Variants in HIVEP1 observed in about 807,000 individuals in gnomAD.
HIVEP1 encodes the protein zinc finger protein 40.
Under a neutral mutation model 180.0 loss-of-function variants are expected in HIVEP1, and 36 were observed. That is an observed-to-expected ratio of 0.20 (90% CI 0.15 to 0.26). The LOEUF (loss-of-function observed/expected upper bound fraction) is 0.26, where lower values mean the gene tolerates loss of function less well. Among genes scored for constraint, HIVEP1 ranks in the 10% least tolerant of loss-of-function variants. HIVEP1 has a pLI of 1.00. For missense variants in HIVEP1, 3,143 were observed against 3,268.7 expected, an observed-to-expected ratio of 0.96 and a Z score of 0.94; for synonymous variants, 1,239 against 1,239.0, an observed-to-expected ratio of 1.00 and a Z score of 0.00.
At position 12,122,944 on chromosome 6, in the gene HIVEP1, C is replaced by T; in HGVS notation, c.3149C>T (p.Thr1050Ile). The stretch of plus-strand genomic sequence containing the variant: ...GAACTTCAGCAAAATGAAAGTGGAA[C>T]ATCTCCAAAAAGTTCTGAAGGCCTT... Reference protein sequence around the residue: ...DEELQQNESGTSPKSSEGLQF... With the variant: ...DEELQQNESGISPKSSEGLQF... Residue 1050 changes from threonine to isoleucine, a missense_variant, in exon 4 of 9, where the codon ACA becomes ATA. This residue lies in a region of HIVEP1 where 1,357 missense variants were observed against 1,260.5 expected (regional missense o/e 1.08). Transcript: ENST00000379388. 1 of 1,613,736 alleles carries T rather than the reference C, an allele frequency of 6.2e-7. No homozygotes were observed. Among genetic ancestry groups the T allele is most frequent in the Non-Finnish European group, 8.5e-7 (1 of 1,179,900 alleles).
At position 12,130,411 on chromosome 6, in the gene HIVEP1, G is replaced by A. The variant is rs180764034; in HGVS notation, c.6210-356G>A. ...GCAGTAGTGCAGCGCAGTGGTGCGC[G>A]CCTGTAGTCCCAGCTGTTCGGGAGG... On this transcript the variant is annotated intron_variant, in intron 5 of 8. Transcript: ENST00000379388. Among the ~76,000 whole-genome samples, 181 of 152,282 alleles carry A rather than the reference G, an allele frequency of 1.2e-3. 1 individual carries two copies. The highest frequency in any genetic ancestry group is 1.0e-2 in the Admixed American group (153 of 15,304).
At chr6:12,172,564 A>AAACT in the HIVEP1 span, among the ~76,000 whole-genome samples, 2 of 152,226 alleles carry the variant, frequency 1.3e-5, no homozygotes, top group Non-Finnish European at 2.9e-5. Context: ...TTTCTTACTT[A>AAACT]AACTAACAAG....
chr6:12,021,235 T>C (rs1269339868), intron 2 of HIVEP1, among the ~76,000 whole-genome samples: 2 of 152,200 alleles, frequency 1.3e-5, no homozygotes, highest in Non-Finnish European at 1.5e-5. Flanking sequence ...GATCAGATCA[T>C]GGCCTTGATT....
In HIVEP1 at chr6:12,163,327, C is replaced by A. The variant is rs201560662; in HGVS notation, c.7023C>A (p.Ser2341Arg). The A allele has an allele frequency of 6.2e-7, 1 of 1,614,000 alleles. No individual in the cohort carries two copies. The highest frequency in any genetic ancestry group is 1.3e-5 in the African/African-American group (1 of 74,920). The change falls in exon 9 of 9, where the codon AGC becomes AGA. Residue 2341 changes from serine to arginine, a missense_variant. Physicochemically the swap from Ser to Arg is moderately radical, Grantham distance 110 (BLOSUM62 -1). Transcript: ENST00000379388. ...VRLPPAAAEH[S>R]PQTAAGMPSV... ...TTCCTCCTGCTGCAGCTGAGCACAG[C>A]CCCCAGACAGCAGCGGGGATGCCTT...
chr6:12,068,615 A>G (rs970490531), intron 2 of HIVEP1, among the ~76,000 whole-genome samples: 4 of 152,186 alleles, frequency 2.6e-5, no homozygotes, highest in Non-Finnish European at 4.4e-5. Context: ...GTATATATTC[A>G]TATATGTGCA....
chr6:12,075,223 A>G (rs746979022), intron 2 of HIVEP1, among the ~76,000 whole-genome samples: 5 of 152,186 alleles, frequency 3.3e-5, no homozygotes, highest in Admixed American at 6.5e-5. Context: ...TAGATTTTGT[A>G]TCTTGAAGGC....
chr6:12,162,015 C>A, intron 8 of HIVEP1, 86 bp downstream of exon 8: 1 of 1,252,318 alleles, frequency 8.0e-7, no homozygotes, highest in Non-Finnish European at 1.1e-6. Flanking sequence ...GAAAATAATG[C>A]ACTTAAGTGA....
At chr6:12,167,594 G>GTATATATACATGT (rs1554161349), downstream of HIVEP1, among the ~76,000 whole-genome samples, 13 of 97,768 alleles carry the variant, frequency 1.3e-4, 1 homozygote, top group African/African-American at 5.7e-4. Context: ...TATATTACAT[G>GTATATATACATGT]TATATATACA....
chr6:12,020,493 T>C (rs1768115616), intron 2 of HIVEP1: 1 of 469,332 alleles, frequency 2.1e-6, no homozygotes, highest in Non-Finnish European at 4.4e-6. Flanking sequence ...GGAGGGGTTA[T>C]CTCCACCACC....
At chr6:12,147,457 C>T (rs980827046) in intron 7 of HIVEP1, among the ~76,000 whole-genome samples, 1 of 152,164 alleles carries the variant, frequency 6.6e-6, no homozygotes, top group African/African-American at 2.4e-5. Context: ...CTCAAATGTT[C>T]TGGAGACAAA....
intron 7 of HIVEP1, among the ~76,000 whole-genome samples, chr6:12,155,763 C>A (rs1760002776): frequency 6.6e-6 from 1 of 152,006 alleles, no homozygotes; most frequent in Non-Finnish European, 1.5e-5. Context: ...GGGTATATAC[C>A]CAGTAATGTG....
chr6:12,151,129 A>G (rs1160927632), intron 7 of HIVEP1, among the ~76,000 whole-genome samples: 1 of 152,250 alleles, frequency 6.6e-6, no homozygotes, highest in Non-Finnish European at 1.5e-5. Flanking sequence ...ACGTAAATGT[A>G]TCAAAACTTT....
chr6:12,051,905 TTC>T (rs1277150465), intron 2 of HIVEP1, among the ~76,000 whole-genome samples: 1 of 152,260 alleles, frequency 6.6e-6, no homozygotes, highest in African/African-American at 2.4e-5. Context: ...TGAAAAATTA[TTC>T]TTTTATATAA....
chr6:12,017,280 C>T (rs1319072484), intron 2 of HIVEP1, among the ~76,000 whole-genome samples: 1 of 152,170 alleles, frequency 6.6e-6, no homozygotes, highest in Non-Finnish European at 1.5e-5. Flanking sequence ...AAGCCACAGG[C>T]CCTCGCCGTG....
chr6:12,089,929 A>G (rs527599679), intron 3 of HIVEP1, among the ~76,000 whole-genome samples: 12 of 152,200 alleles, frequency 7.9e-5, no homozygotes, highest in Non-Finnish European at 1.2e-4. Context: ...TTATACACAG[A>G]TATGTGTTAA....
At chr6:12,082,967 G>A (rs917625759) in intron 2 of HIVEP1, among the ~76,000 whole-genome samples, 7 of 152,098 alleles carry the variant, frequency 4.6e-5, no homozygotes, top group Admixed American at 4.6e-4. Context: ...AGATAATTGA[G>A]CACATTGTTA....
rs201112635 is a variant in HIVEP1 at position 12,121,901 on chromosome 6, C to G, written c.2106C>G (p.Asp702Glu). 2 of 1,614,204 alleles carry G rather than the reference C, an allele frequency of 1.2e-6. No homozygotes were observed. Among genetic ancestry groups the G allele is most frequent in the Middle Eastern group, 3.3e-4 (2 of 6,060 alleles). The change falls in exon 4 of 9, where the codon GAC (aspartate) becomes GAG (glutamate). Residue 702 changes from aspartate (D) to glutamate (E), a missense_variant. Around this residue, in one of 12 missense-constraint regions of HIVEP1, gnomAD observed 365 missense variants for 344.4 expected, o/e 1.06. Transcript: ENST00000379388. This position sits in a 1 kb window ranked among gnomAD's most constrained non-coding sequence, Gnocchi z 5.3. Reference sequence around the variant, plus strand: ...GAAGGTTACCCAGCACAGAACAAGACTCTGGAAGGAGTAACGGACCCTCTG... The same window carrying G: ...GAAGGTTACCCAGCACAGAACAAGAGTCTGGAAGGAGTAACGGACCCTCTG... Reference protein sequence around the residue: ...FARRLPSTEQDSGRSNGPSAA... With the variant: ...FARRLPSTEQESGRSNGPSAA...
intron 1 of HIVEP1, among the ~76,000 whole-genome samples, chr6:12,013,724 T>A (rs906088214): frequency 6.6e-6 from 1 of 152,254 alleles, no homozygotes; most frequent in African/African-American, 2.4e-5. Context: ...AGAACCTTCC[T>A]GAATTAGATA....
At chr6:12,080,645 C>T (rs1390759873) in intron 2 of HIVEP1, among the ~76,000 whole-genome samples, 2 of 151,988 alleles carry the variant, frequency 1.3e-5, no homozygotes, top group African/African-American at 2.4e-5. Flanking sequence ...GTACAGTGGA[C>T]CTCATATCTA....
Sources: gnomAD v4.1 joint callset for allele counts (sites outside exome capture counted in the v4.1 genomes callset) on GRCh38, gnomAD v4.1.1 for gene constraint, gnomAD v4.1.1 regional missense constraint, Gnocchi (gnomAD v3.1) non-coding constraint, MANE v1.5 for transcripts, NCBI Gene and HGNC (gene_info 2026-07-23, HGNC 2026-07-21) for gene names.